Variants in JAKMIP2 observed in about 807,000 individuals in gnomAD.
The protein encoded by JAKMIP2 is janus kinase and microtubule interacting protein 2.
Under a neutral mutation model 115.0 loss-of-function variants are expected in JAKMIP2, and 25 were observed. The ratio of observed to expected loss-of-function variants is 0.22; its 90% confidence interval spans 0.16 to 0.30. JAKMIP2 has a LOEUF of 0.30. JAKMIP2 is among the 10% of genes least tolerant of loss of function. The pLI, the probability that JAKMIP2 is intolerant of heterozygous loss-of-function variation, is 1.00. For synonymous variants in JAKMIP2, 334 were observed against 343.6 expected, an observed-to-expected ratio of 0.97 and a Z score of 0.31; for missense variants, 642 against 957.6, an observed-to-expected ratio of 0.67 and a Z score of 4.35.
At chr5:147,747,271 T>A (rs1754381354) in intron 1 of JAKMIP2, among the ~76,000 whole-genome samples, 1 of 151,998 alleles carries the variant, frequency 6.6e-6, no homozygotes, top group African/African-American at 2.4e-5. Context: ...CATTTCTCAG[T>A]GGGGGATAAA....
intron 1 of JAKMIP2, among the ~76,000 whole-genome samples, chr5:147,729,605 C>T (rs1002473148): frequency 1.3e-5 from 2 of 151,944 alleles, no homozygotes; most frequent in Non-Finnish European, 2.9e-5. Flanking sequence ...AACCCCGTCT[C>T]TACTAGAAAT....
chr5:147,780,538 A>G (rs1222549564), intron 1 of JAKMIP2, among the ~76,000 whole-genome samples: 1 of 152,170 alleles, frequency 6.6e-6, no homozygotes, highest in Non-Finnish European at 1.5e-5. Flanking sequence ...GTGTTATACA[A>G]TTTGTTATAA....
rs1755272336 is a variant in JAKMIP2, at chr5:147,769,531, A to T, written c.-149+12925T>A. Among the ~76,000 whole-genome samples, 5 of 152,122 alleles carry T rather than the reference A, an allele frequency of 3.3e-5. No homozygotes were observed. In the South Asian group the frequency reaches 1.0e-3, roughly 32 times the overall value. On this transcript the variant is annotated intron_variant, in intron 1 of 21. Transcript: ENST00000616793. ...TGTCTTATTACCATGTATTCTAATAATTACTATGAACTAAACCCACTATAG... is the reference window on the plus strand; with the variant it reads ...TGTCTTATTACCATGTATTCTAATATTTACTATGAACTAAACCCACTATAG...
intron 1 of JAKMIP2, among the ~76,000 whole-genome samples, chr5:147,776,720 G>A (rs1755570823): frequency 6.6e-6 from 1 of 152,128 alleles, no homozygotes; most frequent in Non-Finnish European, 1.5e-5. Flanking sequence ...TTGAGGTCAG[G>A]AGTTTAAGAC....
At chr5:147,770,911 GTTAT>G (rs1755327463) in intron 1 of JAKMIP2, among the ~76,000 whole-genome samples, 1 of 152,040 alleles carries the variant, frequency 6.6e-6, no homozygotes, top group African/African-American at 2.4e-5. Context: ...TCTCTTAATA[GTTAT>G]TTAAACACAA....
At chr5:147,628,656 T>C in intron 16 of JAKMIP2, 95 bp downstream of exon 16, 2 of 871,836 alleles carry the variant, frequency 2.3e-6, no homozygotes, top group Non-Finnish European at 1.9e-6. Flanking sequence ...TCACACACAG[T>C]CATGTGCAGA....
In JAKMIP2 at chr5:147,639,492, A is replaced by C. The variant is rs534538851; in HGVS notation, c.1530+140T>G. On this transcript the variant is annotated intron_variant, in intron 10 of 21. Transcript: ENST00000616793. ...TTCTAGAGTCAAGGTTTGTTGACAT[A>C]AAAGCTATAACAATTCAAAAGCTGC... The C allele has an allele frequency of 9.5e-6, 9 of 946,868 alleles. No homozygotes were observed. In the African/African-American group the frequency reaches 1.2e-4, roughly 12 times the overall value. The allele number at this position is 946,868 out of a possible 1,614,324, so 58.7% of individuals were successfully genotyped here. A position where few individuals can be genotyped will look rare whatever the true frequency, so the allele number is the denominator to read the frequency against.
intron 10 of JAKMIP2, among the ~76,000 whole-genome samples, chr5:147,638,974 A>G (rs968941399): frequency 6.6e-6 from 1 of 152,196 alleles, no homozygotes; most frequent in Admixed American, 6.5e-5. Context: ...CAAGCACTCA[A>G]TAAATATTAA....
In JAKMIP2 at chr5:147,782,523, C is replaced by T; in HGVS notation, c.-216G>A. On this transcript the variant is annotated 5_prime_UTR_variant, in exon 1 of 22. Coordinates refer to ENST00000616793, the MANE Select transcript of JAKMIP2 (RefSeq NM_001270941.2). ...CAAACTGAATCCATTTTCCTTGTGACCGAGTCGGATGCAGCCTCCGAACCC... is the reference window on the plus strand; with the variant it reads ...CAAACTGAATCCATTTTCCTTGTGATCGAGTCGGATGCAGCCTCCGAACCC... The T allele has an allele frequency of 6.6e-7, 1 of 1,520,616 alleles. No homozygotes were observed. Among genetic ancestry groups the T allele is most frequent in the South Asian group, 1.2e-5 (1 of 83,744 alleles). The allele number at this position is 1,520,616 out of a possible 1,614,324, so 94.2% of individuals were successfully genotyped here.
At position 147,593,546 on chromosome 5, in the gene JAKMIP2, C is replaced by A. The variant is rs575553505; in HGVS notation, c.*21-1860G>T. On this transcript the variant is annotated intron_variant, in intron 21 of 21. Transcript: ENST00000616793. ...TAGAGTCAGACCCTGAACTACAGCTCCATGGGGGTACTTGGCTCATGCCTA... is the reference window on the plus strand; with the variant it reads ...TAGAGTCAGACCCTGAACTACAGCTACATGGGGGTACTTGGCTCATGCCTA... 1.7e-4 allele frequency among the ~76,000 whole-genome samples: 26 copies of A among 152,244 alleles called. No individual in the cohort carries two copies. The South Asian group carries it at 3.1e-3, about 18-fold the overall frequency.
rs191257620 is a variant in JAKMIP2 at position 147,683,969 on chromosome 5, C to T, written c.-148-12015G>A. On this transcript the variant is annotated intron_variant, in intron 1 of 21. Coordinates refer to ENST00000616793, the MANE Select transcript of JAKMIP2 (RefSeq NM_001270941.2). The stretch of plus-strand genomic sequence containing the variant: ...CTATTAGTATTTTCCCTATGTTATA[C>T]TATGGTATCTATAATATAGGAATAA... Among the ~76,000 whole-genome samples, 31 of 152,202 alleles carry T rather than the reference C, an allele frequency of 2.0e-4. No individual in the cohort carries two copies. In the East Asian group the frequency reaches 5.4e-3, roughly 27 times the overall value.
At chr5:147,702,664 G>GAAAGAAAGAAAGAAAGAA in intron 1 of JAKMIP2, among the ~76,000 whole-genome samples, 1 of 101,142 alleles carries the variant, frequency 9.9e-6, no homozygotes, top group Non-Finnish European at 1.8e-5. Flanking sequence ...AAGAAAGAAA[G>GAAAGAAAGAAAGAAAGAA]AGAGAGAAAG....
intron 1 of JAKMIP2, among the ~76,000 whole-genome samples, chr5:147,744,050 CCTTCCTTCCT>C (rs1754261768): frequency 7.2e-6 from 1 of 139,414 alleles, no homozygotes; most frequent in African/African-American, 2.8e-5. Context: ...TTCCTTCCTT[CCTTCCTTCCT>C]CTCTCTTTCT....
chr5:147,704,114 T>C (rs1300371388), intron 1 of JAKMIP2, among the ~76,000 whole-genome samples: 2 of 152,164 alleles, frequency 1.3e-5, no homozygotes, highest in African/African-American at 4.8e-5. Flanking sequence ...GAACACCTCC[T>C]GAGGCTGTCT....
At chr5:147,713,586 T>A (rs1412580770) in intron 1 of JAKMIP2, among the ~76,000 whole-genome samples, 1 of 152,154 alleles carries the variant, frequency 6.6e-6, no homozygotes, top group Non-Finnish European at 1.5e-5. Flanking sequence ...TTTAAAAGGC[T>A]AGGAGAAAAA....
Position 147,662,161 on chromosome 5 carries a change from T to TACACACACACACACACACACAC in JAKMIP2, c.130-738_130-717dup, listed in dbSNP as rs61492351. ...GCAGGTTAGTTTCATCCCCAAGTTT[T>TACACACACACACACACACACAC]ACACACACACACACACACACACACA... is the stretch of plus-strand genomic sequence containing the variant. On this transcript the variant is annotated intron_variant, in intron 2 of 21. Transcript: ENST00000616793. 2.0e-4 allele frequency among the ~76,000 whole-genome samples: 29 copies of TACACACACACACACACACACAC among 147,138 alleles called. 1 individual carries two copies. Among genetic ancestry groups the TACACACACACACACACACACAC allele is most frequent in the African/African-American group, 7.1e-4 (28 of 39,608 alleles).
intron 1 of JAKMIP2, among the ~76,000 whole-genome samples, chr5:147,686,637 A>G (rs1482764914): frequency 6.6e-6 from 1 of 152,158 alleles, no homozygotes; most frequent in Non-Finnish European, 1.5e-5. Flanking sequence ...GGCAAGAGTA[A>G]AGAATTCCTT....
intron 1 of JAKMIP2, among the ~76,000 whole-genome samples, chr5:147,721,822 G>A (rs532628616): frequency 2.6e-4 from 40 of 152,216 alleles, no homozygotes; most frequent in Non-Finnish European, 4.9e-4. Context: ...CGTCGCTCAT[G>A]CTGGGAGCTG....
chr5:147,744,940 C>T (rs1017365622), intron 1 of JAKMIP2, among the ~76,000 whole-genome samples: 5 of 151,690 alleles, frequency 3.3e-5, no homozygotes, highest in Non-Finnish European at 7.4e-5. Context: ...TGCCTGTAGT[C>T]TCAGCTAGTC....
Sources: allele counts gnomAD v4.1 joint callset (sites outside exome capture counted in the v4.1 genomes callset), GRCh38; gene constraint gnomAD v4.1.1; transcripts MANE v1.5; gene names NCBI Gene and HGNC (gene_info 2026-07-23, HGNC 2026-07-21).